The following CCDC171 variants were observed in gnomAD, a reference collection of about 807,000 sequenced individuals.
The protein encoded by CCDC171 is coiled-coil domain containing 171, also known as coiled-coil domain-containing protein 171.
Under a neutral mutation model 168.2 loss-of-function variants are expected in CCDC171, and 177 were observed. The observed-to-expected ratio is 1.05, with a 90% CI of 0.93 to 1.19. CCDC171 has a LOEUF of 1.19. Among genes scored for constraint, CCDC171 ranks in the 50% most tolerant of loss-of-function variants. CCDC171 has a pLI of 0.00. For missense variants in CCDC171, 1,991 were observed against 1,539.0 expected, an observed-to-expected ratio of 1.29 and a Z score of -4.91; for synonymous variants, 687 against 540.8, an observed-to-expected ratio of 1.27 and a Z score of -3.75.
chr9:16,077,573 C>T, the CCDC171 span, among the ~76,000 whole-genome samples: 1 of 152,184 alleles, frequency 6.6e-6, no homozygotes, highest in Non-Finnish European at 1.5e-5. Flanking sequence ...TCCAAGTGCT[C>T]ATCCAGAGAC....
chr9:15,759,120 T>G (rs2056304960), intron 18 of CCDC171, among the ~76,000 whole-genome samples: 1 of 152,162 alleles, frequency 6.6e-6, no homozygotes, highest in South Asian at 2.1e-4. Flanking sequence ...CCTCCCTCTC[T>G]CCAGCCTTCC....
At chr9:15,594,745 C>G (rs763115032) in intron 6 of CCDC171, among the ~76,000 whole-genome samples, 12 of 152,026 alleles carry the variant, frequency 7.9e-5, no homozygotes, top group Non-Finnish European at 1.5e-4. Flanking sequence ...GGCTGCAGGT[C>G]TCTGAATTCT....
chr9:15,968,769 C>G (rs1003259470), intron 25 of CCDC171, among the ~76,000 whole-genome samples: 1 of 152,098 alleles, frequency 6.6e-6, no homozygotes, highest in Non-Finnish European at 1.5e-5. Flanking sequence ...CAATTCCTGA[C>G]CTCAGGTGAT....
At chr9:15,607,710 G>A (rs991571472) in intron 6 of CCDC171, among the ~76,000 whole-genome samples, 19 of 152,032 alleles carry the variant, frequency 1.2e-4, no homozygotes, top group Admixed American at 4.6e-4. Context: ...TGATCCACCC[G>A]CCTTGGCCTA....
At chr9:15,863,395 A>G (rs1009616047) in intron 23 of CCDC171, among the ~76,000 whole-genome samples, 1 of 151,972 alleles carries the variant, frequency 6.6e-6, no homozygotes, top group African/African-American at 2.4e-5. Flanking sequence ...CAGTGTGTCC[A>G]TGGGGGAAGG....
chr9:16,091,800 G>A, the CCDC171 span, among the ~76,000 whole-genome samples: 972 of 152,310 alleles, frequency 6.4e-3, 14 homozygotes, highest in African/African-American at 0.022. Context: ...AATAAGATAC[G>A]ATGCTCTAAT....
intron 3 of CCDC171, among the ~76,000 whole-genome samples, chr9:15,979,396 C>A (rs1198191521): frequency 1.3e-5 from 2 of 152,124 alleles, no homozygotes; most frequent in African/African-American, 2.4e-5. Context: ...AAGTCTTATA[C>A]CATGAAGTGT....
Position 15,784,556 on chromosome 9 carries a change from T to G in CCDC171, c.3129T>G (p.Asn1043Lys). ...EKFESACEEL[N>K]NALLREEQAQ... is the part of the protein sequence containing the mutation. ...TTGAAAGTGCATGTGAAGAACTAAA[T>G]AATGCATTACTTCGGGAAGAGCAGG... Residue 1043 changes from asparagine (N) to lysine (K), a missense_variant, in exon 21 of 26, where the codon AAT becomes AAG. Physicochemically the swap from Asn to Lys is moderately conservative, Grantham distance 94. Coordinates refer to ENST00000380701, the MANE Select transcript of CCDC171 (RefSeq NM_173550.4). 6.2e-7 allele frequency: 1 copy of G among 1,613,352 alleles called. No individual in the cohort carries two copies. The highest frequency in any genetic ancestry group is 8.5e-7 in the Non-Finnish European group (1 of 1,179,518).
intron 21 of CCDC171, among the ~76,000 whole-genome samples, chr9:15,814,758 G>A (rs7470881): frequency 0.46 from 69,077 of 151,484 alleles, 16,010 homozygotes; most frequent in African/African-American, 0.53. Context: ...TAAAATTACA[G>A]ATCTACTGAT....
chr9:15,990,781 C>G (rs1832166671), intron 3 of CCDC171, among the ~76,000 whole-genome samples: 1 of 152,114 alleles, frequency 6.6e-6, no homozygotes, highest in African/African-American at 2.4e-5. Context: ...CAATCCTGGT[C>G]TCTGATAAAG....
chr9:15,705,215 G>T (rs2052123446), intron 11 of CCDC171, among the ~76,000 whole-genome samples: 1 of 151,970 alleles, frequency 6.6e-6, no homozygotes, highest in African/African-American at 2.4e-5. Context: ...ATCAAGTAAT[G>T]AAGTTTTGCA....
chr9:15,783,377 G>A (rs1184986825), intron 20 of CCDC171, among the ~76,000 whole-genome samples: 1 of 152,010 alleles, frequency 6.6e-6, no homozygotes, highest in Non-Finnish European at 1.5e-5. Context: ...GAATCAAAAG[G>A]ATTTTTTTCA....
chr9:15,868,786 A>G (rs1376473221), intron 23 of CCDC171, among the ~76,000 whole-genome samples: 1 of 152,018 alleles, frequency 6.6e-6, no homozygotes, highest in African/African-American at 2.4e-5. Context: ...CTCATATTAG[A>G]GATGGCAATA....
intron 4 of CCDC171, among the ~76,000 whole-genome samples, chr9:16,021,672 G>A (rs569307675): frequency 9.8e-5 from 15 of 152,328 alleles, no homozygotes; most frequent in African/African-American, 3.6e-4. Context: ...ATGAACTAAT[G>A]TTTGAAAAGT....
At chr9:15,603,186 G>T (rs192782589) in intron 6 of CCDC171, among the ~76,000 whole-genome samples, 1 of 151,878 alleles carries the variant, frequency 6.6e-6, no homozygotes, top group Non-Finnish European at 1.5e-5. Flanking sequence ...GGGTTTCACC[G>T]TGTTAGCCAG....
In CCDC171 at chr9:15,949,713, G is replaced by T. The variant is rs527840760; in HGVS notation, c.3754-21896G>T. On this transcript the variant is annotated intron_variant, in intron 25 of 25. Coordinates refer to ENST00000380701, the MANE Select transcript of CCDC171 (RefSeq NM_173550.4). ...GCTTAAGGAGATTTTGGGCTGAGAC[G>T]ATGGGGTTTTCTAGATATACAATCA... 5.8e-3 allele frequency among the ~76,000 whole-genome samples: 886 copies of T among 151,922 alleles called. 8 individuals are homozygous for T. The highest frequency in any genetic ancestry group is 6.0e-3 in the Non-Finnish European group (411 of 67,980).
chr9:15,778,740 G>A (rs1381884600), intron 19 of CCDC171, among the ~76,000 whole-genome samples: 1 of 151,118 alleles, frequency 6.6e-6, no homozygotes, highest in Non-Finnish European at 1.5e-5. Flanking sequence ...CTAAACAGCT[G>A]TCAATTTCAT....
In CCDC171 at chr9:15,640,878, T is replaced by C. The variant is rs371893970; in HGVS notation, c.823-16249T>C. Among the ~76,000 whole-genome samples the C allele has an allele frequency of 3.9e-5, 6 of 152,256 alleles. No homozygotes were observed. The East Asian group carries it at 7.7e-4, about 20-fold the overall frequency. On this transcript the variant is annotated intron_variant, in intron 7 of 25. Transcript: ENST00000380701. ...TTGGTAATAAAAATCCTTTGAGACC[T>C]TCTGTTTAAGGGCTCAAAAGATAGT...
At chr9:16,097,443 C>T in the CCDC171 span, among the ~76,000 whole-genome samples, 29 of 152,178 alleles carry the variant, frequency 1.9e-4, no homozygotes, top group African/African-American at 6.0e-4. Context: ...TTAATCCCCA[C>T]AGCATCCAGA....
Sources: allele counts gnomAD v4.1 joint callset (sites outside exome capture counted in the v4.1 genomes callset), GRCh38; gene constraint gnomAD v4.1.1; transcripts MANE v1.5; gene names NCBI Gene and HGNC (gene_info 2026-07-23, HGNC 2026-07-21).